WWOX: variants seen among roughly 807,000 people sequenced by gnomAD.
WWOX encodes the protein WW domain-containing oxidoreductase.
Under a neutral mutation model 46.2 loss-of-function variants are expected in WWOX, and 69 were observed. The observed-to-expected ratio is 1.49, with a 90% CI of 1.23 to 1.82. The LOEUF (loss-of-function observed/expected upper bound fraction) is 1.82. Ranked by LOEUF, WWOX falls within the 40% of genes most tolerant of loss-of-function variation. WWOX has a pLI of 0.00. For missense variants in WWOX, 919 were observed against 542.6 expected (o/e 1.69, Z -6.89); for synonymous variants, 359 against 202.6 (o/e 1.77, Z -6.56).
intron 8 of WWOX, among the ~76,000 whole-genome samples, chr16:78,659,800 C>CT (rs1256285391): frequency 2.0e-5 from 3 of 152,128 alleles, no homozygotes; most frequent in Non-Finnish European, 2.9e-5. Context: ...ACAGCATTTT[C>CT]TTTTTTTACA....
chr16:78,883,134 C>A (rs2044379089), intron 8 of WWOX, among the ~76,000 whole-genome samples: 1 of 152,142 alleles, frequency 6.6e-6, no homozygotes, highest in South Asian at 2.1e-4. Flanking sequence ...CTTTTGGATG[C>A]CACCACACAT....
At chr16:78,576,918 C>T (rs1025073883) in intron 8 of WWOX, among the ~76,000 whole-genome samples, 16 of 152,238 alleles carry the variant, frequency 1.1e-4, no homozygotes, top group Non-Finnish European at 7.3e-5. Context: ...ACACTACCAT[C>T]TGCTCACTTT....
rs531613923 is a variant in WWOX at position 78,846,064 on chromosome 16, A to C, written c.1057-365544A>C. 2.6e-5 allele frequency among the ~76,000 whole-genome samples: 4 copies of C among 152,282 alleles called. No individual in the cohort carries two copies. The East Asian group carries it at 7.7e-4, about 29-fold the overall frequency. On this transcript the variant is annotated intron_variant, in intron 8 of 8. Coordinates refer to ENST00000566780, the MANE Select transcript of WWOX (RefSeq NM_016373.4). ...AGCATGGAGTTTGGAATCTGGCACA[A>C]GTGGATTTGAATTCAGACTTAGTCA...
At chr16:78,198,273 C>A (rs2036120355) in intron 5 of WWOX, among the ~76,000 whole-genome samples, 1 of 151,256 alleles carries the variant, frequency 6.6e-6, no homozygotes, top group African/African-American at 2.4e-5. Flanking sequence ...ATCCTGGGAA[C>A]TGGATTCCTA....
intron 8 of WWOX, among the ~76,000 whole-genome samples, chr16:78,849,363 A>C (rs1346040899): frequency 2.0e-5 from 3 of 150,730 alleles, no homozygotes; most frequent in African/African-American, 7.3e-5. Flanking sequence ...CGAGGTCGGG[A>C]GATCGAGACT....
chr16:79,000,152 C>A (rs150020020), intron 8 of WWOX, among the ~76,000 whole-genome samples: 42 of 152,294 alleles, frequency 2.8e-4, no homozygotes, highest in African/African-American at 9.6e-4. Context: ...ACATTTAACA[C>A]CATCTCCCTG....
intron 8 of WWOX, among the ~76,000 whole-genome samples, chr16:79,014,089 G>A (rs141044067): frequency 3.3e-4 from 50 of 152,270 alleles, no homozygotes; most frequent in African/African-American, 1.1e-3. Context: ...TCTGCATTTC[G>A]TCGCTTTAGC....
intron 8 of WWOX, among the ~76,000 whole-genome samples, chr16:78,671,067 A>G (rs1347890617): frequency 6.6e-6 from 1 of 152,172 alleles, no homozygotes; most frequent in East Asian, 1.9e-4. Flanking sequence ...GAACCCCCAG[A>G]AGGGACTCAG....
At chr16:78,637,196 C>G (rs757429054) in intron 8 of WWOX, among the ~76,000 whole-genome samples, 1 of 152,164 alleles carries the variant, frequency 6.6e-6, no homozygotes, top group African/African-American at 2.4e-5. Flanking sequence ...CTGAAGCGGG[C>G]AGATCACCTG....
At chr16:78,485,808 C>T (rs1417032503) in intron 8 of WWOX, among the ~76,000 whole-genome samples, 2 of 152,184 alleles carry the variant, frequency 1.3e-5, no homozygotes, top group Non-Finnish European at 2.9e-5. Flanking sequence ...TGAGAGCAAA[C>T]CTACTTTCCA....
At chr16:78,686,820 C>T (rs191728164) in intron 8 of WWOX, among the ~76,000 whole-genome samples, 1 of 152,144 alleles carries the variant, frequency 6.6e-6, no homozygotes, top group Non-Finnish European at 1.5e-5. Flanking sequence ...TTTCTCTGGC[C>T]AGGAGACAGG....
chr16:78,807,025 A>C (rs1269198893), intron 8 of WWOX, among the ~76,000 whole-genome samples: 3 of 152,168 alleles, frequency 2.0e-5, no homozygotes, highest in Admixed American at 6.5e-5. Flanking sequence ...CTGACCCCAC[A>C]TTTGTGCTGA....
At chr16:78,955,320 C>T (rs929576670) in intron 8 of WWOX, among the ~76,000 whole-genome samples, 9 of 152,270 alleles carry the variant, frequency 5.9e-5, no homozygotes, top group East Asian at 3.9e-4. Context: ...CATACAACAA[C>T]GTCAGTGAAA....
chr16:78,567,548 G>A (rs544869238), intron 8 of WWOX, among the ~76,000 whole-genome samples: 132 of 83,638 alleles, frequency 1.6e-3, no homozygotes, highest in African/African-American at 7.5e-3. Flanking sequence ...AGGAGACTCC[G>A]TCTCAAAAAA....
intron 8 of WWOX, among the ~76,000 whole-genome samples, chr16:78,721,373 T>C (rs1041297381): frequency 1.3e-5 from 2 of 152,222 alleles, no homozygotes; most frequent in African/African-American, 4.8e-5. Flanking sequence ...TAGGTCTGTA[T>C]TTAAAAATCT....
At chr16:78,676,414 T>TA (rs1156839066) in intron 8 of WWOX, among the ~76,000 whole-genome samples, 1 of 151,826 alleles carries the variant, frequency 6.6e-6, no homozygotes, top group Non-Finnish European at 1.5e-5. Flanking sequence ...TTTTTTTTTT[T>TA]TTTTTTAACT....
chr16:79,090,368 T>C (rs975639229), intron 8 of WWOX, among the ~76,000 whole-genome samples: 2 of 152,000 alleles, frequency 1.3e-5, no homozygotes, highest in Non-Finnish European at 2.9e-5. Context: ...TATATAGTTA[T>C]ATATTTCATT....
At chr16:78,243,441 A>G (rs72790027) in intron 5 of WWOX, among the ~76,000 whole-genome samples, 11,444 of 152,078 alleles carry the variant, frequency 0.075, 647 homozygotes, top group East Asian at 0.24. Context: ...GGGGTTTGGT[A>G]TACAGATTCT....
At chr16:78,832,102 C>G (rs1158936840) in intron 8 of WWOX, among the ~76,000 whole-genome samples, 1 of 152,158 alleles carries the variant, frequency 6.6e-6, no homozygotes, top group East Asian at 1.9e-4. Flanking sequence ...AGTGGCTTAG[C>G]TGGGTGATTC....
Sources: gnomAD v4.1 joint callset for allele counts (sites outside exome capture counted in the v4.1 genomes callset) on GRCh38, gnomAD v4.1.1 for gene constraint, MANE v1.5 for transcripts, NCBI Gene and HGNC (gene_info 2026-07-23, HGNC 2026-07-21) for gene names.